CLCN7: variants seen among roughly 807,000 people sequenced by gnomAD.
CLCN7 encodes H(+)/Cl(-) exchange transporter 7.
A neutral mutation model predicts 102.1 loss-of-function variants in CLCN7; 60 were observed. The observed-to-expected ratio is 0.59, with a 90% CI of 0.48 to 0.73. The LOEUF is 0.73. Among genes scored for constraint, CLCN7 ranks in the 30% least tolerant of loss-of-function variants. CLCN7 has a pLI of 0.00. For missense variants in CLCN7, 962 were observed against 1,125.7 expected, an observed-to-expected ratio of 0.85 and a Z score of 2.08; for synonymous variants, 560 against 490.5, an observed-to-expected ratio of 1.14 and a Z score of -1.87.
Position 1,446,658 on chromosome 16 carries a change from C to T in CLCN7, c.2391G>A (p.Leu797=), listed in dbSNP as rs1596209680. ...ACGTCTGGGCCAGCGAGAGCTCCTC[C>T]AAGCCTCTCTTTCCCAGGCGGTACC... ...LARYRLGKRG[L]EELSLAQT is the part of the protein sequence containing the mutation. Residue 797 remains leucine (L), a synonymous_variant, in exon 25 of 25, where the codon TTG becomes TTA. Coordinates refer to ENST00000382745, the MANE Select transcript of CLCN7 (RefSeq NM_001287.6). 1 of 1,578,240 alleles carries T rather than the reference C, an allele frequency of 6.3e-7. No homozygotes were observed. Among genetic ancestry groups the T allele is most frequent in the South Asian group, 1.2e-5 (1 of 86,676 alleles).
intron 1 of CLCN7, among the ~76,000 whole-genome samples, chr16:1,473,681 T>C (rs1332067731): frequency 1.3e-5 from 2 of 151,890 alleles, no homozygotes; most frequent in African/African-American, 4.8e-5. Flanking sequence ...CCGTCCTTCC[T>C]AATCTTTAAG....
At chr16:1,460,647 A>G (rs1383526840) in intron 5 of CLCN7, 120 bp from the exon 6 acceptor site, 1 of 1,274,028 alleles carries the variant, frequency 7.8e-7, no homozygotes, top group Non-Finnish European at 1.1e-6. Context: ...CATGATGTTC[A>G]CTGGACATCC....
At chr16:1,450,273 C>T (rs1480939983) in intron 17 of CLCN7, 1 of 593,982 alleles carries the variant, frequency 1.7e-6, no homozygotes, top group Non-Finnish European at 3.0e-6. Flanking sequence ...CTACCTTCGC[C>T]TGGTCCAGAC....
intron 1 of CLCN7, among the ~76,000 whole-genome samples, chr16:1,469,097 T>C (rs577170526): frequency 6.7e-6 from 1 of 149,176 alleles, no homozygotes; most frequent in Non-Finnish European, 1.5e-5. Flanking sequence ...TCCCAGCTAC[T>C]CGGGAGGCTA....
intron 7 of CLCN7, among the ~76,000 whole-genome samples, chr16:1,458,427 C>T (rs570901851): frequency 3.3e-5 from 5 of 152,364 alleles, no homozygotes; most frequent in South Asian, 2.1e-4. Context: ...GGGTGACAGG[C>T]GGGTCGCCAT....
intron 6 of CLCN7, 155 bp from the exon 7 acceptor site, chr16:1,459,342 A>T (rs909589184): frequency 5.0e-6 from 3 of 598,088 alleles, no homozygotes; most frequent in Non-Finnish European, 9.1e-6. Context: ...GCCCCAGGGA[A>T]GGGAAGAGCA....
Position 1,450,917 on chromosome 16 carries a change from C to T in CLCN7, c.1448-251G>A, listed in dbSNP as rs117805086. On this transcript the variant is annotated intron_variant, in intron 16 of 24. Transcript: ENST00000382745. ...CCCTGATGCCAGCAGAAGCAGGAGC[C>T]GCGTCCAGCGGGGCGGCCCAGCTGG... is the stretch of plus-strand genomic sequence containing the variant. 1.3e-3 allele frequency among the ~76,000 whole-genome samples: 160 copies of T among 125,062 alleles called. 6 individuals carry two copies. In the East Asian group the frequency reaches 0.024, roughly 19 times the overall value. The allele number at this position is 125,062 out of a possible 152,430, so 82.0% of individuals were successfully genotyped here. A position where few individuals can be genotyped will look rare whatever the true frequency, so the allele number is the denominator to read the frequency against.
chr16:1,456,101 G>A lies in CLCN7; in HGVS notation c.916+12C>T, dbSNP rs376685568. The A allele has an allele frequency of 7.3e-5, 113 of 1,544,772 alleles. No homozygotes were observed. In the East Asian group the frequency reaches 2.2e-3, roughly 30 times the overall value. ...GAGGGCAAAGCATTGGACCCGGTGC[G>A]GCCCTCCTCACCCACGGGGGCTCCA... On this transcript the variant is annotated intron_variant, in intron 10 of 24. Coordinates refer to ENST00000382745, the MANE Select transcript of CLCN7 (RefSeq NM_001287.6).
intron 17 of CLCN7, chr16:1,450,295 G>T: frequency 1.8e-6 from 1 of 551,446 alleles, no homozygotes; most frequent in Non-Finnish European, 3.4e-6. Context: ...CCACACATGG[G>T]CTGCGCTGCC....
intron 1 of CLCN7, among the ~76,000 whole-genome samples, chr16:1,471,098 C>T (rs1378503923): frequency 6.6e-6 from 1 of 152,178 alleles, no homozygotes; most frequent in Non-Finnish European, 1.5e-5. Flanking sequence ...CTACACCACA[C>T]AAAGCAAGAC....
chr16:1,462,091 A>G (rs1226796763), intron 2 of CLCN7, among the ~76,000 whole-genome samples: 2 of 150,128 alleles, frequency 1.3e-5, no homozygotes, highest in Non-Finnish European at 3.0e-5. Context: ...TCTCAAAGAA[A>G]AAAAAAAAAA....
chr16:1,460,603 C>G (rs748802540), intron 5 of CLCN7, 76 bp from the exon 6 acceptor site: 92 of 1,357,976 alleles, frequency 6.8e-5, no homozygotes, highest in Non-Finnish European at 9.2e-5. Flanking sequence ...GCCCCACAGA[C>G]CAGCCTGGCA....
chr16:1,473,691 G>A (rs999654008), intron 1 of CLCN7, among the ~76,000 whole-genome samples: 1 of 151,818 alleles, frequency 6.6e-6, no homozygotes, highest in African/African-American at 2.4e-5. Context: ...TAATCTTTAA[G>A]CACAAGACAA....
In CLCN7 at chr16:1,459,192, AAG is replaced by A; in HGVS notation, c.595-7_595-6del. The A allele has an allele frequency of 6.2e-7, 1 of 1,612,824 alleles. No individual in the cohort carries two copies. The highest frequency in any genetic ancestry group is 2.2e-5 in the East Asian group (1 of 44,880). ...TCCGCTGCCAGCAGCCACCGGCTGA[AAG>A]AGGGGAAGCACGGCTGAGTGGGTCA... On this transcript the variant is annotated splice_polypyrimidine_tract_variant and splice_region_variant and intron_variant, in intron 6 of 24. Coordinates refer to ENST00000382745, the MANE Select transcript of CLCN7 (RefSeq NM_001287.6).
intron 7 of CLCN7, 96 bp downstream of exon 7, chr16:1,459,011 A>C: frequency 9.6e-7 from 1 of 1,041,414 alleles, no homozygotes; most frequent in Non-Finnish European, 1.4e-6. Context: ...AGGGTGGCTG[A>C]GGCCAGTTCT....
At chr16:1,459,209 T>A (rs1482540781) in intron 6 of CLCN7, 22 bp from the exon 7 acceptor site, 1 of 1,607,844 alleles carries the variant, frequency 6.2e-7, no homozygotes, top group South Asian at 1.1e-5. Context: ...GAAGCACGGC[T>A]GAGTGGGTCA....
chr16:1,461,847 G>A (rs868743191), intron 2 of CLCN7, among the ~76,000 whole-genome samples, 173 bp from the exon 3 acceptor site: 1 of 152,110 alleles, frequency 6.6e-6, no homozygotes, highest in South Asian at 2.1e-4. Context: ...CACTTTGGGA[G>A]GCCGAGGCAA....
Position 1,460,737 on chromosome 16 carries a change from G to C in CLCN7, c.484+79C>G. ...GCCTCCACCTGCACTGGAACACGCT[G>C]GGCTCAGGACTTCTGCCCGGGACTC... is the stretch of plus-strand genomic sequence containing the variant. On this transcript the variant is annotated intron_variant, in intron 5 of 24. Coordinates refer to ENST00000382745, the MANE Select transcript of CLCN7 (RefSeq NM_001287.6). The C allele has an allele frequency of 1.9e-6, 3 of 1,605,658 alleles. No individual in the cohort carries two copies. The South Asian group carries it at 3.3e-5, about 18-fold the overall frequency.
chr16:1,463,125 T>C (rs1438524955), intron 2 of CLCN7, among the ~76,000 whole-genome samples: 5 of 151,924 alleles, frequency 3.3e-5, no homozygotes, highest in Admixed American at 1.3e-4. Flanking sequence ...TGAGACCCTG[T>C]CTCAAAAAAA....
Sources: gnomAD v4.1 joint callset for allele counts (sites outside exome capture counted in the v4.1 genomes callset) on GRCh38, gnomAD v4.1.1 for gene constraint, MANE v1.5 for transcripts, NCBI Gene and HGNC (gene_info 2026-07-23, HGNC 2026-07-21) for gene names.